The following AP1S2 variants were observed in gnomAD, a reference collection of about 807,000 sequenced individuals.
AP1S2 encodes the protein adaptor related protein complex 1 subunit sigma 2, also known as AP-1 complex subunit sigma-2.
AP1S2 carries 1 observed loss-of-function variant against 14.3 expected under a neutral mutation model. The ratio of observed to expected loss-of-function variants is 0.07; its 90% confidence interval spans 0.02 to 0.33. The LOEUF (loss-of-function observed/expected upper bound fraction) is 0.33, where lower values mean the gene tolerates loss of function less well. AP1S2 is among the 10% of genes least tolerant of loss of function. The probability of loss-of-function intolerance (pLI) is 0.99; values close to 1 mark genes in which losing one functional copy is unlikely to be tolerated. For missense variants in AP1S2, 30 were observed against 117.7 expected (o/e 0.25, Z 3.45); for synonymous variants, 30 against 40.5 (o/e 0.74, Z 0.99).
intron 1 of AP1S2, among the ~76,000 whole-genome samples, chrX:15,853,191 G>C (rs889650070): frequency 3.6e-5 from 4 of 111,844 alleles, no homozygotes; most frequent in Non-Finnish European, 7.5e-5. Flanking sequence ...TTATGAAAAA[G>C]AAAACAAACG....
intron 4 of AP1S2, among the ~76,000 whole-genome samples, chrX:15,838,910 G>T (rs1933736994): frequency 9.1e-6 from 1 of 110,494 alleles, no homozygotes; most frequent in Admixed American, 9.6e-5. Context: ...ACCACGCCCA[G>T]CTAATTTTTG....
intron 2 of AP1S2, among the ~76,000 whole-genome samples, chrX:15,848,290 A>G (rs1238573997): frequency 9.0e-6 from 1 of 111,672 alleles, no homozygotes; most frequent in African/African-American, 3.3e-5. Context: ...ATTAAATGTT[A>G]GCTAAGGCTT....
chrX:15,833,512 A>G (rs191072520), intron 4 of AP1S2: 1 of 860,948 alleles, frequency 1.2e-6, no homozygotes, highest in Admixed American at 6.4e-5. Flanking sequence ...ATCCTTCAAG[A>G]AGAAAAGAAA....
At chrX:15,853,503 T>C (rs1277063988) in intron 1 of AP1S2, among the ~76,000 whole-genome samples, 1 of 112,471 alleles carries the variant, frequency 8.9e-6, no homozygotes, top group African/African-American at 3.2e-5. Context: ...AGGTATCCTT[T>C]TTTCTTTTAA....
At chrX:15,841,429 T>TG (rs776982383) in intron 4 of AP1S2, among the ~76,000 whole-genome samples, 1 of 111,243 alleles carries the variant, frequency 9.0e-6, no homozygotes, top group Admixed American at 9.6e-5. Flanking sequence ...TAATGACACA[T>TG]GAAAAAGTAG....
intron 2 of AP1S2, among the ~76,000 whole-genome samples, chrX:15,851,970 GA>G (rs1371913647): frequency 7.2e-5 from 8 of 111,847 alleles, no homozygotes; most frequent in African/African-American, 2.3e-4. Context: ...GATTTTCGGG[GA>G]AAAAGAATTA....
rs1193149044 is a variant in AP1S2, at chrX:15,826,395, G to C, written c.*930C>G. The C allele has an allele frequency of 8.9e-6, 1 of 112,293 alleles. No homozygotes were observed. The highest frequency in any genetic ancestry group is 1.9e-5 in the Non-Finnish European group (1 of 53,245). 9.3% of individuals were successfully genotyped at this position (112,293 alleles called of 1,213,427 possible). A position where few individuals can be genotyped will look rare whatever the true frequency, so the allele number is the denominator to read the frequency against. ...GAAAGAAAGGAAGCTGCTGTAAAGT[G>C]TGCAGCACTTCTAAGTGGAGGGAAG... On this transcript the variant is annotated 3_prime_UTR_variant, in exon 6 of 6. Transcript: ENST00000672987.
intron 4 of AP1S2, among the ~76,000 whole-genome samples, chrX:15,844,230 G>A (rs909327418): frequency 8.9e-6 from 1 of 112,311 alleles, no homozygotes; most frequent in African/African-American, 3.2e-5. Flanking sequence ...GAGTTAAGAA[G>A]TTAAAATGGA....
chrX:15,832,554 C>A (rs1237846800), intron 4 of AP1S2: 1 of 751,724 alleles, frequency 1.3e-6, no homozygotes, highest in East Asian at 1.5e-4. Flanking sequence ...TGGAATGAAG[C>A]AGCAAGTTAA....
chrX:15,830,274 A>G (rs1340927684), intron 4 of AP1S2: 23 of 721,948 alleles, frequency 3.2e-5, no homozygotes, highest in East Asian at 1.6e-4. Flanking sequence ...AAAGGAGGGG[A>G]AAAAAAAATA....
chrX:15,850,877 C>G (rs1250160672), intron 2 of AP1S2, among the ~76,000 whole-genome samples: 1 of 111,501 alleles, frequency 9.0e-6, no homozygotes, highest in East Asian at 2.8e-4. Flanking sequence ...TGAGTTGCAG[C>G]CCCATGTCAA....
intron 4 of AP1S2, among the ~76,000 whole-genome samples, chrX:15,836,901 CAAAA>C (rs1207325216): frequency 9.1e-6 from 1 of 109,925 alleles, no homozygotes; most frequent in Non-Finnish European, 1.9e-5. Context: ...AATATACAAA[CAAAA>C]AAAAGCAGAA....
At chrX:15,840,469 C>A in intron 4 of AP1S2, 1 of 844,265 alleles carries the variant, frequency 1.2e-6, no homozygotes, top group Non-Finnish European at 1.6e-6. Context: ...TTTATCCATG[C>A]CACAAAAATG....
intron 5 of AP1S2, among the ~76,000 whole-genome samples, chrX:15,827,633 G>A (rs1933305541): frequency 9.0e-6 from 1 of 111,575 alleles, no homozygotes; most frequent in South Asian, 3.7e-4. Flanking sequence ...CATGCAAAAA[G>A]CAGTCAAGCC....
intron 2 of AP1S2, among the ~76,000 whole-genome samples, chrX:15,851,115 T>TAAAAC (rs779620700): frequency 4.5e-5 from 5 of 111,584 alleles, no homozygotes; most frequent in Admixed American, 9.5e-5. Context: ...GCAAAAAGCT[T>TAAAAC]AAAACAAAAC....
intron 4 of AP1S2, among the ~76,000 whole-genome samples, chrX:15,843,009 A>G (rs1349605353): frequency 1.1e-5 from 1 of 87,315 alleles, no homozygotes; most frequent in Non-Finnish European, 2.2e-5. Context: ...CTGGGTGATA[A>G]GCGAAACTCC....
chrX:15,850,370 C>T (rs773658607), intron 2 of AP1S2, among the ~76,000 whole-genome samples: 11 of 110,531 alleles, frequency 1.0e-4, no homozygotes, highest in South Asian at 3.9e-4. Context: ...TTGTTGTTGT[C>T]GTTGAGGGTC....
intron 2 of AP1S2, 33 bp from the exon 3 acceptor site, chrX:15,846,044 T>C: frequency 1.0e-6 from 1 of 959,711 alleles, no homozygotes; most frequent in Non-Finnish European, 1.5e-6. Context: ...AAAAAACTGT[T>C]ATCCTATAAT....
intron 4 of AP1S2, chrX:15,831,696 G>C (rs747872851): frequency 9.4e-4 from 715 of 760,632 alleles, no homozygotes; most frequent in Non-Finnish European, 9.3e-4. Flanking sequence ...TTCATTCTTT[G>C]GTTTAAGGCT....
Sources: allele counts gnomAD v4.1 joint callset (sites outside exome capture counted in the v4.1 genomes callset), GRCh38; gene constraint gnomAD v4.1.1; transcripts MANE v1.5; gene names NCBI Gene and HGNC (gene_info 2026-07-23, HGNC 2026-07-21).